Variants in MYO16 observed in about 807,000 individuals in gnomAD.
The protein encoded by MYO16 is myosin XVI.
In MYO16, 94 loss-of-function variants were observed where a neutral mutation model predicts 205.3. That is an observed-to-expected ratio of 0.46 (90% CI 0.39 to 0.54). MYO16 has a LOEUF of 0.54. MYO16 is among the 20% of genes least tolerant of loss of function. The pLI, the probability that MYO16 is intolerant of heterozygous loss-of-function variation, is 0.00. For synonymous variants in MYO16, 988 were observed against 954.0 expected (o/e 1.04, Z -0.66); for missense variants, 2,315 against 2,387.5 (o/e 0.97, Z 0.63).
intron 27 of MYO16, among the ~76,000 whole-genome samples, chr13:109,090,389 G>A (rs1043560926): frequency 6.6e-6 from 1 of 152,208 alleles, no homozygotes; most frequent in East Asian, 1.9e-4. Flanking sequence ...TGGGAACTGA[G>A]GGAGAAGACT....
chr13:109,144,046 G>A (rs1471404719), intron 32 of MYO16, among the ~76,000 whole-genome samples: 2 of 144,310 alleles, frequency 1.4e-5, no homozygotes, highest in South Asian at 2.2e-4. Flanking sequence ...TTTTTTTGAC[G>A]GAGTTTTGCT....
chr13:109,044,888 C>G (rs1406105702), intron 23 of MYO16, among the ~76,000 whole-genome samples: 1 of 152,136 alleles, frequency 6.6e-6, no homozygotes, highest in Non-Finnish European at 1.5e-5. Flanking sequence ...TGGGGTTTCA[C>G]TGTATTGGTC....
At chr13:108,823,865 G>A (rs191990208) in intron 9 of MYO16, among the ~76,000 whole-genome samples, 2 of 152,164 alleles carry the variant, frequency 1.3e-5, no homozygotes, top group East Asian at 1.9e-4. Context: ...ATTTTCCAGA[G>A]TTTCTCTTTG....
chr13:109,055,848 G>A lies in MYO16; in HGVS notation c.3335+253G>A, dbSNP rs1005663365. Reference sequence around the variant, plus strand: ...ATTCTCATGTTCCTTTCAAAGTGTGGCTTTCCTTGGATTAAAGTTTTGTAA... The same window carrying A: ...ATTCTCATGTTCCTTTCAAAGTGTGACTTTCCTTGGATTAAAGTTTTGTAA... On this transcript the variant is annotated intron_variant, in intron 27 of 34. Coordinates refer to ENST00000457511, the MANE Select transcript of MYO16 (RefSeq NM_001198950.3). This position sits in a 1 kb window ranked among gnomAD's most constrained non-coding sequence, Gnocchi z 5.0. The A allele has an allele frequency of 2.1e-5, 7 of 335,656 alleles. No individual in the cohort carries two copies. The highest frequency in any genetic ancestry group is 4.3e-5 in the Admixed American group (1 of 23,136). 20.8% of individuals were successfully genotyped at this position (335,656 alleles called of 1,614,324 possible).
chr13:108,753,370 C>CAAAAAAAAAAAAAAAAAAA (rs534466420), intron 4 of MYO16, among the ~76,000 whole-genome samples: 15 of 111,778 alleles, frequency 1.3e-4, no homozygotes, highest in African/African-American at 5.0e-4. Context: ...AACTCTGTGA[C>CAAAAAAAAAAAAAAAAAAA]AAAAAAAAAA....
At chr13:108,994,590 C>T (rs1884943701) in intron 21 of MYO16, among the ~76,000 whole-genome samples, 1 of 152,080 alleles carries the variant, frequency 6.6e-6, no homozygotes, top group Non-Finnish European at 1.5e-5. Context: ...TACAAACTTG[C>T]AACAAAATGC....
intron 27 of MYO16, among the ~76,000 whole-genome samples, chr13:109,069,866 C>T (rs1261603829): frequency 6.6e-6 from 1 of 152,112 alleles, no homozygotes; most frequent in African/African-American, 2.4e-5. Flanking sequence ...ACACTTATCT[C>T]AATAGATGTG....
At chr13:109,032,155 G>GT (rs1257583841) in intron 23 of MYO16, among the ~76,000 whole-genome samples, 1 of 152,072 alleles carries the variant, frequency 6.6e-6, no homozygotes, top group African/African-American at 2.4e-5. Context: ...CTCGACCCTG[G>GT]TTTTGGGGTT....
intron 23 of MYO16, among the ~76,000 whole-genome samples, chr13:109,037,024 T>A (rs1223546006): frequency 6.6e-6 from 1 of 152,210 alleles, no homozygotes; most frequent in Non-Finnish European, 1.5e-5. Context: ...CTCTCCCCAG[T>A]GGCACAGCAG....
At chr13:108,611,972 CTTTTTTTTTTTTTTT>C (rs201871787) in intron 1 of MYO16, among the ~76,000 whole-genome samples, 1 of 89,778 alleles carries the variant, frequency 1.1e-5, no homozygotes, top group East Asian at 2.9e-4. Context: ...TTTTTTTTTT[CTTTTTTTTTTTTTTT>C]TTTTTTGAGA....
chr13:109,075,537 G>A lies in MYO16; in HGVS notation c.3335+19942G>A, dbSNP rs113039839. ...CCCAAGTAGCTGGTACTACAGGTGTGGCTAATTTTTGTATTTTTAGTAGAG... is the reference window on the plus strand; with the variant it reads ...CCCAAGTAGCTGGTACTACAGGTGTAGCTAATTTTTGTATTTTTAGTAGAG... On this transcript the variant is annotated intron_variant, in intron 27 of 34. Coordinates refer to ENST00000457511, the MANE Select transcript of MYO16 (RefSeq NM_001198950.3). Among the ~76,000 whole-genome samples, 550 of 151,848 alleles carry A rather than the reference G, an allele frequency of 3.6e-3. 4 individuals are homozygous for A. Among genetic ancestry groups the A allele is most frequent in the African/African-American group, 0.012 (498 of 41,420 alleles).
intron 4 of MYO16, among the ~76,000 whole-genome samples, chr13:108,762,904 A>T (rs973166170): frequency 6.6e-6 from 1 of 152,072 alleles, no homozygotes; most frequent in Non-Finnish European, 1.5e-5. Flanking sequence ...TCCCCATGGC[A>T]GTCAAATTTA....
chr13:108,591,800 T>A (rs1878407037), upstream of MYO16, among the ~76,000 whole-genome samples: 1 of 152,150 alleles, frequency 6.6e-6, no homozygotes, highest in African/African-American at 2.4e-5. Flanking sequence ...TGGCTCTTGA[T>A]TCTTTTTCTA....
chr13:108,496,693 G>A, the MYO16 span, among the ~76,000 whole-genome samples: 5 of 152,236 alleles, frequency 3.3e-5, no homozygotes, highest in African/African-American at 1.2e-4. Context: ...TAGTATTTCT[G>A]TCATTTACAG....
chr13:108,724,253 G>C (rs187578990), intron 3 of MYO16, among the ~76,000 whole-genome samples: 1 of 152,166 alleles, frequency 6.6e-6, no homozygotes, highest in Admixed American at 6.5e-5. Context: ...TGCGAATAAT[G>C]GCAGTTTTAA....
At chr13:108,659,198 A>ATGTG (rs199588624) in intron 1 of MYO16, among the ~76,000 whole-genome samples, 1 of 146,860 alleles carries the variant, frequency 6.8e-6, no homozygotes, top group Non-Finnish European at 1.5e-5. Context: ...GTGTATATAT[A>ATGTG]TGTGTGTGTG....
intron 6 of MYO16, among the ~76,000 whole-genome samples, chr13:108,795,496 C>T (rs780087365): frequency 3.3e-5 from 5 of 152,302 alleles, no homozygotes; most frequent in Admixed American, 6.5e-5. Flanking sequence ...GTGTGAGTTA[C>T]CGCGCCTGGC....
At chr13:108,809,676 C>T (rs557134819) in intron 7 of MYO16, among the ~76,000 whole-genome samples, 2 of 152,308 alleles carry the variant, frequency 1.3e-5, no homozygotes, top group East Asian at 3.9e-4. Context: ...GACCCAATCA[C>T]CCCCAACCAG....
chr13:108,753,370 C>CAAAAAAAAAAAAAAAAAAAAAAAAAAA (rs534466420), intron 4 of MYO16, among the ~76,000 whole-genome samples: 7 of 111,778 alleles, frequency 6.3e-5, no homozygotes, highest in African/African-American at 2.7e-4. Flanking sequence ...AACTCTGTGA[C>CAAAAAAAAAAAAAAAAAAAAAAAAAAA]AAAAAAAAAA....
Sources: gnomAD v4.1 joint callset for allele counts (sites outside exome capture counted in the v4.1 genomes callset) on GRCh38, gnomAD v4.1.1 for gene constraint, Gnocchi (gnomAD v3.1) non-coding constraint, MANE v1.5 for transcripts, NCBI Gene and HGNC (gene_info 2026-07-23, HGNC 2026-07-21) for gene names.